Variants in SUSD1 observed in about 807,000 individuals in gnomAD.
SUSD1 encodes the protein sushi domain-containing protein 1.
In SUSD1, 65 loss-of-function variants were observed where a neutral mutation model predicts 86.9. The observed-to-expected ratio is 0.75, with a 90% CI of 0.61 to 0.92. The LOEUF is 0.92. Ranked by LOEUF, SUSD1 falls within the 40% of genes least tolerant of loss-of-function variation. The pLI is 0.00. For missense variants in SUSD1, 850 were observed against 929.7 expected (o/e 0.91, Z 1.11); for synonymous variants, 346 against 350.0 (o/e 0.99, Z 0.13).
chr9:112,073,884 C>G (rs1589613824), intron 12 of SUSD1, among the ~76,000 whole-genome samples: 1 of 151,662 alleles, frequency 6.6e-6, no homozygotes, highest in Non-Finnish European at 1.5e-5. Context: ...GCCTGGGCAA[C>G]AGAGCAAGAC....
At chr9:112,092,658 A>G (rs1204365788) in intron 10 of SUSD1, among the ~76,000 whole-genome samples, 1 of 152,090 alleles carries the variant, frequency 6.6e-6, no homozygotes, top group Non-Finnish European at 1.5e-5. Context: ...CGTTTATTTT[A>G]TATACCCATG....
chr9:112,072,168 T>G (rs1028906582), intron 12 of SUSD1, among the ~76,000 whole-genome samples: 5 of 148,578 alleles, frequency 3.4e-5, no homozygotes, highest in African/African-American at 1.2e-4. Context: ...TTTTTTTTTT[T>G]GAGACGGAGT....
intron 10 of SUSD1, among the ~76,000 whole-genome samples, chr9:112,097,948 G>C (rs536775791): frequency 9.2e-5 from 14 of 152,318 alleles, no homozygotes; most frequent in African/African-American, 3.4e-4. Flanking sequence ...AGTTAATACA[G>C]CTGGCACCTA....
chr9:112,101,571 C>T (rs1369012060), intron 9 of SUSD1, among the ~76,000 whole-genome samples: 1 of 152,108 alleles, frequency 6.6e-6, no homozygotes, highest in African/African-American at 2.4e-5. Flanking sequence ...CCCAGCTGGG[C>T]GTGGTGGCTC....
At chr9:112,151,405 T>G (rs1833038377) in intron 2 of SUSD1, among the ~76,000 whole-genome samples, 1 of 151,432 alleles carries the variant, frequency 6.6e-6, no homozygotes, top group African/African-American at 2.4e-5. Context: ...GAGACCAGCC[T>G]GGCCAACATG....
At chr9:112,102,118 T>C in intron 9 of SUSD1, 58 bp downstream of exon 9, 1 of 940,976 alleles carries the variant, frequency 1.1e-6, no homozygotes, top group African/African-American at 1.7e-5. Flanking sequence ...TACTTGGAGA[T>C]CGCCCAAATT....
intron 5 of SUSD1, among the ~76,000 whole-genome samples, chr9:112,141,961 A>C (rs1832597654): frequency 6.7e-6 from 1 of 148,950 alleles, no homozygotes; most frequent in African/African-American, 2.5e-5. Flanking sequence ...ACATCAAAAA[A>C]CTAACATCAG....
chr9:112,114,039 C>T (rs7875132), intron 6 of SUSD1, among the ~76,000 whole-genome samples: 72,896 of 151,998 alleles, frequency 0.48, 18,044 homozygotes, highest in African/African-American at 0.59. Context: ...TCTAAGGAAT[C>T]CACACCAAAA....
In SUSD1 at chr9:112,175,151, C is replaced by T; in HGVS notation, c.85G>A (p.Gly29Arg). The stretch of plus-strand genomic sequence containing the variant: ...CACTCACCGTCGGGGCCCGGCGCTC[C>T]CGCGGCGCCGCGGGCCAGGCCGAGC... The part of the protein sequence containing the change: ...LLLGLARGAA[G>R]APGPDGLDVC... The change falls in exon 1 of 17, where the codon GGA (glycine) becomes AGA (arginine). Residue 29 changes from glycine (G) to arginine (R), a missense_variant. Physicochemically the swap from Gly to Arg is moderately radical, Grantham distance 125. Transcript: ENST00000374270. The surrounding 1 kb of genome is among the most constrained non-coding windows in gnomAD (Gnocchi z 4.7). 9.3e-7 allele frequency: 1 copy of T among 1,077,480 alleles called. No homozygotes were observed. 66.7% of individuals were successfully genotyped at this position (1,077,480 alleles called of 1,614,324 possible). A position where few individuals can be genotyped will look rare whatever the true frequency, so the allele number is the denominator to read the frequency against.
At chr9:112,132,223 A>G (rs1832063914) in intron 5 of SUSD1, among the ~76,000 whole-genome samples, 1 of 152,190 alleles carries the variant, frequency 6.6e-6, no homozygotes, top group South Asian at 2.1e-4. Context: ...GGCTCCATCT[A>G]AGACTGTTTA....
At chr9:112,083,376 C>T (rs57118951) in intron 10 of SUSD1, among the ~76,000 whole-genome samples, 8,423 of 152,116 alleles carry the variant, frequency 0.055, 798 homozygotes, top group African/African-American at 0.19. Context: ...TACAGGCATG[C>T]ACCACCACAC....
intron 6 of SUSD1, among the ~76,000 whole-genome samples, chr9:112,115,831 A>AAAGAAAAAAAG: frequency 6.6e-6 from 1 of 150,656 alleles, no homozygotes; most frequent in African/African-American, 2.4e-5. Flanking sequence ...AAAGAAAAAA[A>AAAGAAAAAAAG]AAAGAAAAGA....
intron 10 of SUSD1, among the ~76,000 whole-genome samples, chr9:112,081,870 A>C (rs963444624): frequency 6.6e-6 from 1 of 152,232 alleles, no homozygotes; most frequent in Non-Finnish European, 1.5e-5. Context: ...GAGAGAAACC[A>C]TGTGGTTACT....
chr9:112,156,228 C>A (rs941355102), intron 2 of SUSD1, among the ~76,000 whole-genome samples: 2 of 151,814 alleles, frequency 1.3e-5, no homozygotes, highest in Non-Finnish European at 2.9e-5. Flanking sequence ...CTTTGGGAGG[C>A]CAAGGCTGGT....
chr9:112,139,650 G>T (rs1163385771), intron 5 of SUSD1, among the ~76,000 whole-genome samples: 1 of 151,730 alleles, frequency 6.6e-6, no homozygotes, highest in Admixed American at 6.6e-5. Flanking sequence ...GCCTGCCTGG[G>T]CCTCCCAGAG....
intron 12 of SUSD1, among the ~76,000 whole-genome samples, chr9:112,075,178 A>C (rs983986348): frequency 6.6e-6 from 1 of 152,218 alleles, no homozygotes; most frequent in Non-Finnish European, 1.5e-5. Flanking sequence ...CAGACTGAAC[A>C]CCACTTGTCT....
intron 10 of SUSD1, among the ~76,000 whole-genome samples, chr9:112,087,112 A>T (rs1830018122): frequency 1.3e-5 from 2 of 152,106 alleles, no homozygotes. Context: ...ATAAACTGAA[A>T]TAAGTATCCT....
chr9:112,082,728 G>C (rs943991763), intron 10 of SUSD1, among the ~76,000 whole-genome samples: 1 of 151,650 alleles, frequency 6.6e-6, no homozygotes, highest in African/African-American at 2.4e-5. Context: ...GTTTTGTTTT[G>C]TTTTTTTGAG....
At chr9:112,065,461 G>A (rs1828936196) in intron 12 of SUSD1, among the ~76,000 whole-genome samples, 1 of 152,192 alleles carries the variant, frequency 6.6e-6, no homozygotes, top group Non-Finnish European at 1.5e-5. Flanking sequence ...GGAGGCAGAG[G>A]TTGCAGTGAG....
Sources: allele counts gnomAD v4.1 joint callset (sites outside exome capture counted in the v4.1 genomes callset), GRCh38; gene constraint gnomAD v4.1.1; non-coding constraint Gnocchi (gnomAD v3.1); transcripts MANE v1.5; gene names NCBI Gene and HGNC (gene_info 2026-07-23, HGNC 2026-07-21).